The following CEP63 variants were observed in gnomAD, a reference collection of about 807,000 sequenced individuals.
CEP63 encodes centrosomal protein 63, also known as centrosomal protein of 63 kDa.
Under a neutral mutation model 89.1 loss-of-function variants are expected in CEP63, and 84 were observed. The ratio of observed to expected loss-of-function variants is 0.94; its 90% confidence interval spans 0.79 to 1.13. The LOEUF (loss-of-function observed/expected upper bound fraction) is 1.13. Ranked by LOEUF, CEP63 falls within the 50% of genes most tolerant of loss-of-function variation. CEP63 has a pLI of 0.00. For synonymous variants in CEP63, 267 were observed against 272.5 expected (o/e 0.98, Z 0.20); for missense variants, 838 against 813.3 (o/e 1.03, Z -0.37).
chr3:134,734,608 T>G, the CEP63 span, among the ~76,000 whole-genome samples: 1 of 152,182 alleles, frequency 6.6e-6, no homozygotes, highest in Non-Finnish European at 1.5e-5. Flanking sequence ...ATTTGAAAAT[T>G]TAGACAAAAC....
chr3:134,708,397 T>A, the CEP63 span, among the ~76,000 whole-genome samples: 36 of 152,210 alleles, frequency 2.4e-4, no homozygotes, highest in Non-Finnish European at 5.0e-4. Flanking sequence ...ATTGAGGAAA[T>A]GAGCAAGAAG....
the CEP63 span, among the ~76,000 whole-genome samples, chr3:134,604,927 G>A: frequency 3.9e-5 from 6 of 152,152 alleles, no homozygotes; most frequent in African/African-American, 1.4e-4. Flanking sequence ...TCATGTCAAC[G>A]CATTGTCCTT....
At chr3:134,680,727 C>A in the CEP63 span, among the ~76,000 whole-genome samples, 1 of 152,182 alleles carries the variant, frequency 6.6e-6, no homozygotes, top group Non-Finnish European at 1.5e-5. Flanking sequence ...GTTTCCTTTG[C>A]AAGATAGTTC....
intron 12 of CEP63, among the ~76,000 whole-genome samples, chr3:134,557,654 A>G (rs1191032920): frequency 2.6e-5 from 4 of 152,048 alleles, no homozygotes; most frequent in Non-Finnish European, 4.4e-5. Context: ...GTAGATACCA[A>G]AGTTGTAGAA....
chr3:134,579,829 T>C (rs9864439), downstream of CEP63, among the ~76,000 whole-genome samples: 97,639 of 152,092 alleles, frequency 0.64, 31,897 homozygotes, highest in East Asian at 0.81. Context: ...AAAAATAGTA[T>C]ATCCATGCAA....
chr3:134,651,871 G>T, the CEP63 span, among the ~76,000 whole-genome samples: 3 of 152,186 alleles, frequency 2.0e-5, no homozygotes, highest in African/African-American at 4.8e-5. Context: ...TAGGTCTCAG[G>T]AGTGTTTACA....
chr3:134,742,385 T>C, the CEP63 span, among the ~76,000 whole-genome samples: 2 of 152,010 alleles, frequency 1.3e-5, no homozygotes, highest in East Asian at 3.9e-4. Flanking sequence ...TGGGTGTGGG[T>C]GGGTGGTGAA....
At chr3:134,560,410 T>C (rs181074023) in intron 14 of CEP63, among the ~76,000 whole-genome samples, 8 of 152,344 alleles carry the variant, frequency 5.3e-5, no homozygotes, top group Non-Finnish European at 4.4e-5. Flanking sequence ...CGTGGACATA[T>C]GCAGAGTGAC....
chr3:134,609,699 C>T, the CEP63 span, among the ~76,000 whole-genome samples: 3 of 152,276 alleles, frequency 2.0e-5, no homozygotes, highest in Admixed American at 6.5e-5. Context: ...GACCCTGCAC[C>T]GCCAATAGCA....
the CEP63 span, among the ~76,000 whole-genome samples, chr3:134,604,774 G>A: frequency 6.6e-6 from 1 of 152,196 alleles, no homozygotes; most frequent in Non-Finnish European, 1.5e-5. Context: ...CTGTATGTGT[G>A]CATCCTGCCC....
the CEP63 span, among the ~76,000 whole-genome samples, chr3:134,657,960 G>C: frequency 6.6e-6 from 1 of 152,050 alleles, no homozygotes; most frequent in Non-Finnish European, 1.5e-5. Flanking sequence ...GCAGTGGCGC[G>C]ATCTTGGCTC....
At chr3:134,511,841 A>G (rs1945034292) in intron 3 of CEP63, among the ~76,000 whole-genome samples, 1 of 152,164 alleles carries the variant, frequency 6.6e-6, no homozygotes, top group South Asian at 2.1e-4. Context: ...CCCTTCTCCA[A>G]CATTGAAGAC....
the CEP63 span, among the ~76,000 whole-genome samples, chr3:134,673,023 C>T: frequency 9.2e-5 from 14 of 152,242 alleles, no homozygotes; most frequent in African/African-American, 3.4e-4. Context: ...AGCCTGAGCT[C>T]TCCCACCCTT....
the CEP63 span, among the ~76,000 whole-genome samples, chr3:134,717,824 CTCTT>C: frequency 1.3e-5 from 2 of 152,164 alleles, no homozygotes; most frequent in African/African-American, 4.8e-5. Context: ...AGATTTGACT[CTCTT>C]TCACCGCACC....
chr3:134,734,151 G>C, the CEP63 span, among the ~76,000 whole-genome samples: 1 of 151,958 alleles, frequency 6.6e-6, no homozygotes, highest in Non-Finnish European at 1.5e-5. Context: ...AAATAAAAAC[G>C]TGTTTACATG....
At chr3:134,728,287 A>G in the CEP63 span, among the ~76,000 whole-genome samples, 21 of 152,310 alleles carry the variant, frequency 1.4e-4, no homozygotes, top group Middle Eastern at 3.4e-3. Context: ...TGGAAGGCAA[A>G]TTGGAAATGT....
the CEP63 span, among the ~76,000 whole-genome samples, chr3:134,763,184 C>G: frequency 2.6e-5 from 4 of 152,076 alleles, no homozygotes; most frequent in South Asian, 8.3e-4. Context: ...CACCCAGTAA[C>G]TCGTCATTTA....
chr3:134,547,604 G>GGTC (rs1172990808), intron 9 of CEP63, 132 bp downstream of exon 9: 2 of 179,222 alleles, frequency 1.1e-5, no homozygotes, highest in Non-Finnish European at 1.8e-5. Flanking sequence ...AATGGCCTAA[G>GGTC]TTCTTATTTC....
chr3:134,502,889 G>C (rs1942405865), intron 2 of CEP63, among the ~76,000 whole-genome samples: 1 of 151,952 alleles, frequency 6.6e-6, no homozygotes, highest in Admixed American at 6.6e-5. Context: ...GTTTTAGGTT[G>C]TTAACTTGAG....
Sources: allele counts gnomAD v4.1 joint callset (sites outside exome capture counted in the v4.1 genomes callset), GRCh38; gene constraint gnomAD v4.1.1; transcripts MANE v1.5; gene names NCBI Gene and HGNC (gene_info 2026-07-23, HGNC 2026-07-21).